ALDH2: variants seen among roughly 807,000 people sequenced by gnomAD.
ALDH2 encodes aldehyde dehydrogenase, mitochondrial.
Under a neutral mutation model 59.6 loss-of-function variants are expected in ALDH2, and 44 were observed. The observed-to-expected ratio is 0.74, with a 90% CI of 0.58 to 0.95. The LOEUF (loss-of-function observed/expected upper bound fraction) is 0.95, where lower values mean the gene tolerates loss of function less well. Ranked by LOEUF, ALDH2 falls within the 40% of genes least tolerant of loss-of-function variation. The probability of loss-of-function intolerance (pLI) is 0.00; values close to 1 mark genes in which losing one functional copy is unlikely to be tolerated. For missense variants in ALDH2, 570 were observed against 696.3 expected (o/e 0.82, Z 2.04); for synonymous variants, 291 against 284.0 (o/e 1.02, Z -0.25).
chr12:111,791,475 C>T (rs2068359015), intron 7 of ALDH2, 56 bp downstream of exon 7: 14 of 1,339,582 alleles, frequency 1.0e-5, no homozygotes, highest in African/African-American at 2.9e-5. Context: ...TCCCCCTGTC[C>T]TCAGTGGACG....
intron 9 of ALDH2, 118 bp downstream of exon 9, chr12:111,792,900 T>C: frequency 1.7e-6 from 2 of 1,157,332 alleles, no homozygotes; most frequent in Non-Finnish European, 2.4e-6. Flanking sequence ...ACACAGCAGC[T>C]GTGTGCCTTT....
intron 4 of ALDH2, 100 bp downstream of exon 4, chr12:111,785,446 G>T: frequency 9.6e-7 from 1 of 1,039,290 alleles, no homozygotes; most frequent in Non-Finnish European, 1.5e-6. Flanking sequence ...AAAAGGGGCA[G>T]AGCGCGGTAT....
intron 12 of ALDH2, among the ~76,000 whole-genome samples, chr12:111,804,513 A>G (rs1409519312): frequency 6.6e-6 from 1 of 152,184 alleles, no homozygotes; most frequent in African/African-American, 2.4e-5. Flanking sequence ...TGGGAGGCCA[A>G]GGTGGGTGGA....
intron 8 of ALDH2, 100 bp from the exon 9 acceptor site, chr12:111,792,498 C>G: frequency 7.3e-7 from 1 of 1,367,244 alleles, no homozygotes; most frequent in Non-Finnish European, 9.8e-7. Context: ...AGGCATCAAC[C>G]CTTACAGTGG....
Position 111,792,286 on chromosome 12 carries a change from A to C in ALDH2, c.898+123A>C, listed in dbSNP as rs13306167. 4 of 801,392 alleles carry C rather than the reference A, an allele frequency of 5.0e-6. No homozygotes were observed. The East Asian group carries it at 1.0e-4, about 21-fold the overall frequency. The allele number at this position is 801,392 out of a possible 1,614,324, so 49.6% of individuals were successfully genotyped here. On this transcript the variant is annotated intron_variant, in intron 8 of 12. Transcript: ENST00000261733. ...CGTTGGTTGCTGTCCCTCGGGCCTC[A>C]GGATAAGACGCCAGCGCAGGGCCTG...
chr12:111,803,475 C>T (rs1241222039), intron 11 of ALDH2, among the ~76,000 whole-genome samples: 1 of 151,680 alleles, frequency 6.6e-6, no homozygotes, highest in East Asian at 1.9e-4. Context: ...CATAGTGGCA[C>T]ATACTTGTTA....
At chr12:111,775,777 T>TG in intron 1 of ALDH2, 1 of 411,478 alleles carries the variant, frequency 2.4e-6, no homozygotes, top group Non-Finnish European at 4.9e-6. Context: ...GCCCAGAGTC[T>TG]GGCCTGGTGT....
intron 1 of ALDH2, among the ~76,000 whole-genome samples, chr12:111,777,346 C>T (rs538087133): frequency 6.6e-6 from 1 of 152,288 alleles, no homozygotes; most frequent in Admixed American, 6.5e-5. Context: ...TGAATGTTAG[C>T]CATGTCCATG....
At chr12:111,791,965 C>A in intron 7 of ALDH2, 96 bp from the exon 8 acceptor site, 1 of 776,490 alleles carries the variant, frequency 1.3e-6, no homozygotes, top group South Asian at 1.5e-5. Flanking sequence ...TCCAGTTGCT[C>A]ACTCAAGCTG....
chr12:111,772,880 G>A (rs957049341), intron 1 of ALDH2, among the ~76,000 whole-genome samples: 26 of 151,352 alleles, frequency 1.7e-4, no homozygotes, highest in African/African-American at 5.6e-4. Flanking sequence ...TTAGGTGGCC[G>A]GGCATGGCAG....
At chr12:111,767,922 G>A (rs1435643442) in intron 1 of ALDH2, among the ~76,000 whole-genome samples, 2 of 152,144 alleles carry the variant, frequency 1.3e-5, no homozygotes, top group African/African-American at 2.4e-5. Flanking sequence ...ATGGAAAGGC[G>A]CTCTGAGGGT....
At chr12:111,785,137 G>T in intron 3 of ALDH2, 130 bp from the exon 4 acceptor site, 1 of 751,214 alleles carries the variant, frequency 1.3e-6, no homozygotes. Flanking sequence ...TGACATTTGG[G>T]GCACAAAGCG....
chr12:111,805,406 C>T (rs2068486292), intron 12 of ALDH2, among the ~76,000 whole-genome samples: 1 of 152,094 alleles, frequency 6.6e-6, no homozygotes, highest in Non-Finnish European at 1.5e-5. Flanking sequence ...CTCACTGCAG[C>T]CTCCACCTCC....
intron 12 of ALDH2, 25 bp downstream of exon 12, chr12:111,803,998 T>TCAAGCCCCAA: frequency 6.4e-7 from 1 of 1,559,622 alleles, no homozygotes; most frequent in Non-Finnish European, 8.7e-7. Flanking sequence ...TGCTGGGGGC[T>TCAAGCCCCAA]CAGGGCCTGT....
chr12:111,771,234 A>G (rs926745999), intron 1 of ALDH2, among the ~76,000 whole-genome samples: 6 of 152,018 alleles, frequency 3.9e-5, no homozygotes, highest in African/African-American at 1.4e-4. Flanking sequence ...CATCTCTACA[A>G]AAGCTTAAAA....
At position 111,781,971 on chromosome 12, in the gene ALDH2, C is replaced by G; in HGVS notation, c.168C>G (p.Thr56=). The G allele has an allele frequency of 1.9e-6, 3 of 1,614,018 alleles. No individual in the cohort carries two copies. Among genetic ancestry groups the G allele is most frequent in the Non-Finnish European group, 2.5e-6 (3 of 1,179,946 alleles). Residue 56 remains threonine, a synonymous_variant, in exon 2 of 13, where the codon ACC becomes ACG. Transcript: ENST00000261733. Reference sequence around the variant, plus strand: ...CCGTCAGCAGGAAAACATTCCCCACCGTCAATCCGTCCACTGGAGAGGTCA... The same window carrying G: ...CCGTCAGCAGGAAAACATTCCCCACGGTCAATCCGTCCACTGGAGAGGTCA... ...HDAVSRKTFP[T]VNPSTGEVIC...
intron 6 of ALDH2, among the ~76,000 whole-genome samples, chr12:111,790,885 T>C (rs1300005404): frequency 6.6e-6 from 1 of 151,962 alleles, no homozygotes; most frequent in Non-Finnish European, 1.5e-5. Context: ...CAAGACCCCA[T>C]CTCTACAAAA....
At chr12:111,785,673 A>T (rs2068304056) in intron 4 of ALDH2, among the ~76,000 whole-genome samples, 1 of 152,158 alleles carries the variant, frequency 6.6e-6, no homozygotes, top group Non-Finnish European at 1.5e-5. Flanking sequence ...ACAGTGAGCC[A>T]AGATCACGCC....
intron 9 of ALDH2, among the ~76,000 whole-genome samples, chr12:111,795,748 T>C: frequency 6.6e-6 from 1 of 150,674 alleles, no homozygotes; most frequent in East Asian, 2.0e-4. Flanking sequence ...CCCACCACCA[T>C]GCCCAGCTAA....
Sources: gnomAD v4.1 joint callset for allele counts (sites outside exome capture counted in the v4.1 genomes callset) on GRCh38, gnomAD v4.1.1 for gene constraint, MANE v1.5 for transcripts, NCBI Gene and HGNC (gene_info 2026-07-23, HGNC 2026-07-21) for gene names.